Variants in FANCC observed in about 807,000 individuals in gnomAD.
FANCC encodes the protein Fanconi anemia group C protein.
A neutral mutation model predicts 71.3 loss-of-function variants in FANCC; 55 were observed. The observed-to-expected ratio is 0.77, with a 90% CI of 0.62 to 0.97. The LOEUF (loss-of-function observed/expected upper bound fraction) is 0.97. FANCC is among the 50% of genes least tolerant of loss of function. The probability of loss-of-function intolerance (pLI) is 0.00; values close to 1 mark genes in which losing one functional copy is unlikely to be tolerated. For missense variants in FANCC, 678 were observed against 670.9 expected (o/e 1.01, Z -0.12); for synonymous variants, 275 against 244.9 (o/e 1.12, Z -1.15).
chr9:95,105,745 C>T (rs958171758), intron 14 of FANCC, among the ~76,000 whole-genome samples: 1 of 152,240 alleles, frequency 6.6e-6, no homozygotes, highest in Non-Finnish European at 1.5e-5. Flanking sequence ...ATCCTCGTTT[C>T]TGGCTTATTT....
At position 95,164,717 on chromosome 9, in the gene FANCC, C is replaced by T. The variant is rs149886636; in HGVS notation, c.521+6362G>A. Among the ~76,000 whole-genome samples the T allele has an allele frequency of 8.8e-3, 1,339 of 152,220 alleles. 22 individuals are homozygous for T. The highest frequency in any genetic ancestry group is 0.031 in the African/African-American group (1,275 of 41,558). Reference sequence around the variant, plus strand: ...ATTCCCTTTTTGCTGAGAATCCTTCCATCATGATTCACGAAGGATATTAAT... The same window carrying T: ...ATTCCCTTTTTGCTGAGAATCCTTCTATCATGATTCACGAAGGATATTAAT... On this transcript the variant is annotated intron_variant, in intron 6 of 14. Transcript: ENST00000289081.
intron 4 of FANCC, among the ~76,000 whole-genome samples, chr9:95,172,369 T>C (rs561725135): frequency 4.6e-4 from 70 of 152,312 alleles, no homozygotes; most frequent in Non-Finnish European, 9.0e-4. Context: ...ACATTAGCAG[T>C]GAAACAAAAA....
At chr9:95,285,773 T>A (rs1246484853) in intron 1 of FANCC, among the ~76,000 whole-genome samples, 1 of 152,182 alleles carries the variant, frequency 6.6e-6, no homozygotes, top group Non-Finnish European at 1.5e-5. Flanking sequence ...TGAAAGATAA[T>A]CAGAGAAGTA....
intron 9 of FANCC, among the ~76,000 whole-genome samples, chr9:95,125,831 T>C (rs1230257563): frequency 1.3e-5 from 2 of 152,180 alleles, no homozygotes; most frequent in Non-Finnish European, 2.9e-5. Flanking sequence ...AGAGCTGATA[T>C]GGGCTCCCCT....
chr9:95,170,637 CGTGTGTGTGTGT>C (rs3992109), intron 6 of FANCC, among the ~76,000 whole-genome samples: 19 of 124,360 alleles, frequency 1.5e-4, no homozygotes, highest in South Asian at 5.9e-4. Flanking sequence ...TTGTAAATAT[CGTGTGTGTGTGT>C]GTGTGTGTGT....
At chr9:95,216,126 A>G (rs1037511431) in intron 4 of FANCC, among the ~76,000 whole-genome samples, 4 of 152,248 alleles carry the variant, frequency 2.6e-5, no homozygotes, top group African/African-American at 9.6e-5. Flanking sequence ...AGACACAAGT[A>G]AGTTAAAAGT....
intron 6 of FANCC, among the ~76,000 whole-genome samples, chr9:95,170,679 T>TGTGTGTGTGTGTGTGTGTGTGTGTGTGTG (rs1554842441): frequency 6.9e-6 from 1 of 144,654 alleles, no homozygotes; most frequent in Non-Finnish European, 1.5e-5. Context: ...TGTGTGTGTG[T>TGTGTGTGTGTGTGTGTGTGTGTGTGTGTG]TGGGAGCAGA....
intron 1 of FANCC, among the ~76,000 whole-genome samples, chr9:95,303,482 G>A (rs1190735914): frequency 1.3e-5 from 2 of 152,174 alleles, no homozygotes; most frequent in Admixed American, 1.3e-4. Context: ...CGTCAGTTTA[G>A]GCTGCCATAA....
chr9:95,119,360 CTTTTCTTTTT>C (rs1167923895), intron 10 of FANCC, among the ~76,000 whole-genome samples: 3 of 100,474 alleles, frequency 3.0e-5, no homozygotes, highest in Non-Finnish European at 5.6e-5. Flanking sequence ...TTCTTTCTTC[CTTTTCTTTTT>C]TTTTTTTTTT....
At chr9:95,229,317 A>T (rs1294966840) in intron 4 of FANCC, among the ~76,000 whole-genome samples, 1 of 150,920 alleles carries the variant, frequency 6.6e-6, no homozygotes, top group Non-Finnish European at 1.5e-5. Context: ...AAAAAAAAAA[A>T]ATCCTTCTGG....
intron 14 of FANCC, among the ~76,000 whole-genome samples, chr9:95,102,317 A>G (rs1364528029): frequency 1.3e-5 from 2 of 152,228 alleles, no homozygotes; most frequent in African/African-American, 4.8e-5. Context: ...TGGGCTAGCA[A>G]CCGGACCTAC....
chr9:95,279,625 C>T (rs956107889), intron 1 of FANCC, among the ~76,000 whole-genome samples: 3 of 151,890 alleles, frequency 2.0e-5, no homozygotes, highest in African/African-American at 7.3e-5. Flanking sequence ...CCAACTATGT[C>T]AATAATATCA....
intron 1 of FANCC, chr9:95,294,842 A>T: frequency 6.7e-7 from 1 of 1,498,918 alleles, no homozygotes; most frequent in Non-Finnish European, 8.9e-7. Context: ...GTGAGACGGC[A>T]TCTACCATTT....
At chr9:95,274,822 T>C (rs1331920813) in intron 1 of FANCC, among the ~76,000 whole-genome samples, 1 of 152,140 alleles carries the variant, frequency 6.6e-6, no homozygotes, top group Non-Finnish European at 1.5e-5. Context: ...GTATGGGCAC[T>C]GACTTGCCAT....
intron 4 of FANCC, among the ~76,000 whole-genome samples, chr9:95,211,079 G>A (rs1257966539): frequency 6.6e-6 from 1 of 152,140 alleles, no homozygotes; most frequent in Non-Finnish European, 1.5e-5. Flanking sequence ...GTATCCTCCT[G>A]CTACAGAAAA....
intron 1 of FANCC, among the ~76,000 whole-genome samples, chr9:95,316,339 G>A (rs534703879): frequency 6.6e-6 from 1 of 152,312 alleles, no homozygotes; most frequent in East Asian, 1.9e-4. Flanking sequence ...AATGTATAAA[G>A]TCGCAATGAA....
chr9:95,252,274 CAAAAAAA>C (rs71366284), intron 1 of FANCC, among the ~76,000 whole-genome samples: 44 of 50,160 alleles, frequency 8.8e-4, no homozygotes, highest in East Asian at 2.7e-3. Context: ...GAGACTGATT[CAAAAAAA>C]AAAAAAAAAA....
chr9:95,160,160 G>A (rs1363805001), intron 6 of FANCC, among the ~76,000 whole-genome samples: 1 of 152,098 alleles, frequency 6.6e-6, no homozygotes, highest in East Asian at 1.9e-4. Context: ...TATGGTTTTA[G>A]GTCTAACATT....
intron 6 of FANCC, among the ~76,000 whole-genome samples, chr9:95,165,913 C>T (rs1287721135): frequency 6.6e-6 from 1 of 151,922 alleles, no homozygotes; most frequent in Admixed American, 6.6e-5. Flanking sequence ...TCTCTTTCTC[C>T]CTTCAATTCT....
Sources: gnomAD v4.1 joint callset for allele counts (sites outside exome capture counted in the v4.1 genomes callset) on GRCh38, gnomAD v4.1.1 for gene constraint, MANE v1.5 for transcripts, NCBI Gene and HGNC (gene_info 2026-07-23, HGNC 2026-07-21) for gene names.